The following RBFOX3 variants were observed in gnomAD, a reference collection of about 807,000 sequenced individuals.
RBFOX3 encodes RNA binding fox-1 homolog 3, also known as RNA binding protein fox-1 homolog 3.
In RBFOX3, 17 loss-of-function variants were observed where a neutral mutation model predicts 48.7. The observed-to-expected ratio is 0.35, with a 90% CI of 0.24 to 0.52. The LOEUF is 0.52. RBFOX3 is among the 20% of genes least tolerant of loss of function. The pLI is 0.94. For missense variants in RBFOX3, 382 were observed against 497.5 expected, an observed-to-expected ratio of 0.77 and a Z score of 2.21; for synonymous variants, 212 against 209.5, an observed-to-expected ratio of 1.01 and a Z score of -0.10.
intron 2 of RBFOX3, among the ~76,000 whole-genome samples, chr17:79,315,070 A>G (rs2077353691): frequency 6.6e-6 from 1 of 152,146 alleles, no homozygotes; most frequent in Non-Finnish European, 1.5e-5. Context: ...CAGGAGTGAG[A>G]GACCCTGATT....
At position 79,111,692 on chromosome 17, in the gene RBFOX3, C is replaced by T. The variant is rs910709428; in HGVS notation, c.222+3802G>A. ...TCGTGATCCACCTGCCTCGGCCTCC[C>T]GAAGTGCTGGGGTGACAGGCGTGAG... On this transcript the variant is annotated intron_variant, in intron 5 of 14. Transcript: ENST00000693108. The surrounding 1 kb of genome is among the most constrained non-coding windows in gnomAD (Gnocchi z 4.2). Among the ~76,000 whole-genome samples, 13 of 152,240 alleles carry T rather than the reference C, an allele frequency of 8.5e-5. No individual in the cohort carries two copies. The highest frequency in any genetic ancestry group is 1.2e-4 in the African/African-American group (5 of 41,464).
chr17:79,521,332 ACACACATT>A (rs1406304460), intron 1 of RBFOX3, among the ~76,000 whole-genome samples: 2 of 151,090 alleles, frequency 1.3e-5, no homozygotes, highest in African/African-American at 4.9e-5. Flanking sequence ...ACACATTCAT[ACACACATT>A]CACACACTCA....
chr17:79,191,118 T>C (rs981742353), intron 4 of RBFOX3, among the ~76,000 whole-genome samples: 4 of 152,058 alleles, frequency 2.6e-5, no homozygotes, highest in African/African-American at 9.7e-5. Flanking sequence ...GCAGCAAGGG[T>C]CCACCTCCAG....
chr17:79,174,664 A>G (rs928478085), intron 4 of RBFOX3, among the ~76,000 whole-genome samples: 13 of 146,862 alleles, frequency 8.9e-5, no homozygotes, highest in African/African-American at 1.5e-4. Flanking sequence ...AATGCACACA[A>G]CCACTCACAC....
At chr17:79,200,641 G>A (rs569715408) in intron 4 of RBFOX3, among the ~76,000 whole-genome samples, 4 of 152,188 alleles carry the variant, frequency 2.6e-5, no homozygotes, top group East Asian at 1.9e-4. Flanking sequence ...CTCAGGTCAC[G>A]TCTCTGGGGA....
At chr17:79,330,219 TGC>T (rs2080025609) in intron 2 of RBFOX3, among the ~76,000 whole-genome samples, 2 of 152,340 alleles carry the variant, frequency 1.3e-5, no homozygotes, top group East Asian at 3.9e-4. Context: ...CTTTCCCCTG[TGC>T]CCCCTGACCC....
rs564854108 is a variant in RBFOX3, at chr17:79,122,881, A to T, written c.-33-7133T>A. Among the ~76,000 whole-genome samples, 15 of 152,354 alleles carry T rather than the reference A, an allele frequency of 9.8e-5. 1 individual carries two copies. The highest frequency in any genetic ancestry group is 2.9e-4 in the African/African-American group (12 of 41,576). ...GAGTACTATTGAGCCATAAAAAAAA[A>T]ATGAGGGCCTGTCATTTTCAACAAC... On this transcript the variant is annotated intron_variant, in intron 4 of 14. Coordinates refer to ENST00000693108, the MANE Select transcript of RBFOX3 (RefSeq NM_001350451.2).
intron 2 of RBFOX3, among the ~76,000 whole-genome samples, chr17:79,441,141 C>T (rs1598709824): frequency 2.0e-5 from 3 of 152,310 alleles, no homozygotes; most frequent in South Asian, 2.1e-4. Context: ...AAAGAGAAAT[C>T]GCCTGGGGCA....
chr17:79,221,382 G>A (rs1382853640), intron 4 of RBFOX3, among the ~76,000 whole-genome samples: 2 of 152,272 alleles, frequency 1.3e-5, no homozygotes, highest in Non-Finnish European at 2.9e-5. Flanking sequence ...TAGTGTTGGG[G>A]TGGCTGCAGG....
chr17:79,365,492 T>C (rs2057606158), intron 2 of RBFOX3, among the ~76,000 whole-genome samples: 1 of 152,220 alleles, frequency 6.6e-6, no homozygotes, highest in South Asian at 2.1e-4. Flanking sequence ...CATACTTAAT[T>C]CCAATGTGCT....
the RBFOX3 span, among the ~76,000 whole-genome samples, chr17:79,657,417 G>A: frequency 1.3e-5 from 2 of 152,164 alleles, no homozygotes; most frequent in East Asian, 1.9e-4. Flanking sequence ...AGTGGCTCAC[G>A]CCTGTAATCC....
intron 1 of RBFOX3, among the ~76,000 whole-genome samples, chr17:79,504,944 G>C (rs2082880826): frequency 6.6e-6 from 1 of 152,218 alleles, no homozygotes; most frequent in African/African-American, 2.4e-5. Context: ...ATGAGGCCTG[G>C]TGATGTGGCC....
At chr17:79,487,844 G>A (rs922936902) in intron 1 of RBFOX3, among the ~76,000 whole-genome samples, 8 of 146,268 alleles carry the variant, frequency 5.5e-5, no homozygotes, top group Admixed American at 4.2e-4. Context: ...CCCAGGAGGC[G>A]GAGCTTGCAG....
intron 1 of RBFOX3, among the ~76,000 whole-genome samples, chr17:79,542,375 C>T (rs149576852): frequency 3.3e-5 from 5 of 152,130 alleles, no homozygotes; most frequent in Non-Finnish European, 7.4e-5. Flanking sequence ...GCTAGTGGGG[C>T]GGCTCCCTAG....
At chr17:79,297,472 C>CT (rs2074584620) in intron 3 of RBFOX3, among the ~76,000 whole-genome samples, 2 of 107,298 alleles carry the variant, frequency 1.9e-5, no homozygotes, top group African/African-American at 7.1e-5. Flanking sequence ...GGGCCATCCC[C>CT]CGGTACCACT....
chr17:79,593,508 G>A (rs897121680), intron 1 of RBFOX3, among the ~76,000 whole-genome samples: 3 of 152,282 alleles, frequency 2.0e-5, no homozygotes, highest in African/African-American at 4.8e-5. Context: ...TCATGGCCAC[G>A]GGAGGGTGGG....
intron 2 of RBFOX3, among the ~76,000 whole-genome samples, chr17:79,456,245 G>A (rs1555744910): frequency 1.3e-5 from 2 of 152,090 alleles, no homozygotes; most frequent in Non-Finnish European, 2.9e-5. Flanking sequence ...TCCTTGCTCT[G>A]TCCTCTTCTC....
At chr17:79,656,819 A>G in the RBFOX3 span, among the ~76,000 whole-genome samples, 85 of 131,246 alleles carry the variant, frequency 6.5e-4, 2 homozygotes, top group African/African-American at 2.4e-3. Flanking sequence ...AAGAAAGAGA[A>G]AGAAAGAAAG....
chr17:79,586,361 C>G (rs2093249949), intron 1 of RBFOX3, among the ~76,000 whole-genome samples: 5 of 152,240 alleles, frequency 3.3e-5, no homozygotes, highest in Admixed American at 3.3e-4. Context: ...CACCTGCCAG[C>G]TGACCACAGA....
Sources: gnomAD v4.1 joint callset for allele counts (sites outside exome capture counted in the v4.1 genomes callset) on GRCh38, gnomAD v4.1.1 for gene constraint, Gnocchi (gnomAD v3.1) non-coding constraint, MANE v1.5 for transcripts, NCBI Gene and HGNC (gene_info 2026-07-23, HGNC 2026-07-21) for gene names.